C11orf65: variants seen among roughly 807,000 people sequenced by gnomAD.
C11orf65 encodes chromosome 11 open reading frame 65, also known as protein MFI.
Under a neutral mutation model 35.3 loss-of-function variants are expected in C11orf65, and 38 were observed. The ratio of observed to expected loss-of-function variants is 1.08; its 90% CI spans 0.83 to 1.41. The LOEUF is 1.41. C11orf65 is among the 40% of genes most tolerant of loss of function. The pLI, the probability that C11orf65 is intolerant of heterozygous loss-of-function variation, is 0.00. For synonymous variants in C11orf65, 105 were observed against 114.4 expected, an observed-to-expected ratio of 0.92 and a Z score of 0.53; for missense variants, 370 against 367.1, an observed-to-expected ratio of 1.01 and a Z score of -0.06.
At chr11:108,352,016 C>G (rs2089266842) in intron 2 of C11orf65, among the ~76,000 whole-genome samples, 4 of 152,144 alleles carry the variant, frequency 2.6e-5, no homozygotes, top group Admixed American at 1.3e-4. Flanking sequence ...CTGCCCTTAC[C>G]TAGCAGTAAC....
In C11orf65 at chr11:108,347,262, G is replaced by C; in HGVS notation, c.227-11970C>G. The C allele has an allele frequency of 6.4e-7, 1 of 1,558,056 alleles. No homozygotes were observed. Among genetic ancestry groups the C allele is most frequent in the Non-Finnish European group, 8.9e-7 (1 of 1,129,426 alleles). On this transcript the variant is annotated intron_variant, in intron 2 of 3. Coordinates refer to the C11orf65 transcript ENST00000524755. Reference sequence around the variant, plus strand: ...TGGAATCAGTGATTTCAGATTGTTTGTTTCTTTTTTCTCCAGTTGGTTACA... The same window carrying C: ...TGGAATCAGTGATTTCAGATTGTTTCTTTCTTTTTTCTCCAGTTGGTTACA...
chr11:108,310,357 G>T (rs371629708), intron 6 of C11orf65: 2 of 1,563,568 alleles, frequency 1.3e-6, no homozygotes, highest in East Asian at 2.2e-5. Flanking sequence ...ATTAATGTTG[G>T]CATTGTCTCA....
At chr11:108,422,775 G>A (rs12279382) in intron 3 of C11orf65, among the ~76,000 whole-genome samples, 4,023 of 151,830 alleles carry the variant, frequency 0.026, 187 homozygotes, top group African/African-American at 0.092. Context: ...CCAGCTACTC[G>A]AGAGGCTGAG....
chr11:108,437,101 A>AT lies in C11orf65; in HGVS notation c.82-5264_82-5263insA, dbSNP rs1162943946. Among the ~76,000 whole-genome samples, 84 of 122,202 alleles carry AT rather than the reference A, an allele frequency of 6.9e-4. 1 individual carries two copies. The highest frequency in any genetic ancestry group is 2.5e-3 in the African/African-American group (80 of 32,324). 80.2% of individuals were successfully genotyped at this position (122,202 alleles called of 152,430 possible). A position where few individuals can be genotyped will look rare whatever the true frequency, so the allele number is the denominator to read the frequency against. On this transcript the variant is annotated intron_variant, in intron 2 of 8. Coordinates refer to ENST00000393084, the MANE Select transcript of C11orf65 (RefSeq NM_152587.5). ...ATTAAGAACCCATTACGACAAAAAA[A>AT]AAAAAAAAAGGGGGGGGGTGGACAA...
At position 108,315,912 on chromosome 11, in the gene C11orf65, G is replaced by A. The variant is rs587781584; in HGVS notation, c.641-6841C>T. ...GGAAGATGTTACAACCCATTACTAG[G>A]TAAATTGCATTTTTCTAAACAACGG... On this transcript the variant is annotated intron_variant, in intron 6 of 6. Transcript: ENST00000525729. 6.2e-7 allele frequency: 1 copy of A among 1,610,354 alleles called. No homozygotes were observed. The highest frequency in any genetic ancestry group is 8.5e-7 in the Non-Finnish European group (1 of 1,176,750).
At chr11:108,405,188 G>C (rs776906798) in intron 6 of C11orf65, among the ~76,000 whole-genome samples, 15 of 152,156 alleles carry the variant, frequency 9.9e-5, no homozygotes, top group Non-Finnish European at 2.1e-4. Context: ...CTCCCTAGCT[G>C]ATTGGGGCCA....
intron 2 of C11orf65, among the ~76,000 whole-genome samples, chr11:108,376,665 C>A (rs1162650028): frequency 2.0e-5 from 3 of 151,864 alleles, no homozygotes; most frequent in Admixed American, 6.6e-5. Flanking sequence ...CACAAAAAAC[C>A]GTTCAAAAAA....
At chr11:108,464,019 C>T (rs1369506826) in intron 1 of C11orf65, among the ~76,000 whole-genome samples, 10 of 151,300 alleles carry the variant, frequency 6.6e-5, no homozygotes, top group African/African-American at 1.2e-4. Flanking sequence ...CTCCACCTCC[C>T]GGGTTCAAGT....
At chr11:108,335,235 G>A (rs746000200) in exon 3 of C11orf65, 43 of 1,553,196 alleles carry the variant, frequency 2.8e-5, no homozygotes, top group Non-Finnish European at 3.6e-5. Flanking sequence ...AGGAAGATTT[G>A]TAGAGTAGAA....
chr11:108,406,649 C>G lies in C11orf65; in HGVS notation c.429+114G>C, dbSNP rs947695450. 1.3e-5 allele frequency: 9 copies of G among 700,600 alleles called. No homozygotes were observed. The Admixed American group carries it at 3.1e-4, about 24-fold the overall frequency. 43.4% of individuals were successfully genotyped at this position (700,600 alleles called of 1,614,324 possible). On this transcript the variant is annotated intron_variant, in intron 5 of 8. Transcript: ENST00000393084. ...AGTAGCTAACTTAAGCAAAATTTAT[C>G]AATTAAATTACTAGGATTTATTATT...
chr11:108,442,135 C>T (rs898770782), intron 2 of C11orf65, among the ~76,000 whole-genome samples: 4 of 152,110 alleles, frequency 2.6e-5, no homozygotes, highest in Non-Finnish European at 4.4e-5. Context: ...CCTTAAATCA[C>T]TTGATGGAGC....
intron 2 of C11orf65, among the ~76,000 whole-genome samples, chr11:108,359,801 G>A (rs892476673): frequency 9.9e-5 from 15 of 152,244 alleles, no homozygotes; most frequent in Non-Finnish European, 2.2e-4. Context: ...AAAGCAGTGT[G>A]TAGAGGGAAA....
rs1028813117 is a variant in C11orf65, at chr11:108,332,156, G to A, written c.300-589C>T. ...TCTAAAATCGGTTCAAGGCTGGCAC[G>A]GTGGCTCACGCCTGTAATCCCAGCA... On this transcript the variant is annotated intron_variant, in intron 3 of 3. Transcript: ENST00000524755. The A allele has an allele frequency of 7.9e-5, 103 of 1,295,966 alleles. No homozygotes were observed. The Middle Eastern group carries it at 1.0e-3, about 13-fold the overall frequency. 80.3% of individuals were successfully genotyped at this position (1,295,966 alleles called of 1,614,324 possible).
intron 2 of C11orf65, among the ~76,000 whole-genome samples, chr11:108,336,944 T>G (rs2086921558): frequency 6.6e-6 from 1 of 152,242 alleles, no homozygotes; most frequent in Admixed American, 6.5e-5. Context: ...TTCCTGTACC[T>G]CATTTTTAAA....
intron 2 of C11orf65, among the ~76,000 whole-genome samples, chr11:108,375,321 G>A (rs909249196): frequency 6.6e-6 from 1 of 151,674 alleles, no homozygotes; most frequent in African/African-American, 2.4e-5. Flanking sequence ...AGAGAGTAGG[G>A]GCCAATATTC....
intron 2 of C11orf65, among the ~76,000 whole-genome samples, chr11:108,441,271 G>A (rs1357327899): frequency 6.6e-6 from 1 of 152,226 alleles, no homozygotes; most frequent in Non-Finnish European, 1.5e-5. Context: ...CGAGGCTGGA[G>A]GAGAGGCGTC....
intron 2 of C11orf65, among the ~76,000 whole-genome samples, chr11:108,442,272 G>C (rs1471768673): frequency 6.6e-6 from 1 of 152,122 alleles, no homozygotes; most frequent in African/African-American, 2.4e-5. Context: ...GAGAAGTTTA[G>C]AGAAAAAAGA....
intron 3 of C11orf65, among the ~76,000 whole-genome samples, chr11:108,407,968 T>G (rs528285846): frequency 8.4e-6 from 1 of 118,570 alleles, no homozygotes; most frequent in African/African-American, 3.0e-5. Context: ...GAAAAGAAAA[T>G]ATTTTATGAG....
intron 3 of C11orf65, among the ~76,000 whole-genome samples, chr11:108,430,221 C>T (rs753270269): frequency 2.9e-4 from 44 of 150,198 alleles, no homozygotes; most frequent in Non-Finnish European, 5.2e-4. Context: ...CTCCGCCTCC[C>T]ACGTTCATGC....
Sources: gnomAD v4.1 joint callset for allele counts (sites outside exome capture counted in the v4.1 genomes callset) on GRCh38, gnomAD v4.1.1 for gene constraint, MANE v1.5 for transcripts, NCBI Gene and HGNC (gene_info 2026-07-23, HGNC 2026-07-21) for gene names.